Variants in AHCYL2 observed in about 807,000 individuals in gnomAD.
AHCYL2 encodes adenosylhomocysteinase like 2, also known as S-adenosylhomocysteine hydrolase-like protein 2.
A neutral mutation model predicts 81.4 loss-of-function variants in AHCYL2; 28 were observed. The observed-to-expected ratio is 0.34, with a 90% CI of 0.25 to 0.47. The LOEUF is 0.47. Among genes scored for constraint, AHCYL2 ranks in the 20% least tolerant of loss-of-function variants. AHCYL2 has a pLI of 1.00. For synonymous variants in AHCYL2, 272 were observed against 290.2 expected (o/e 0.94, Z 0.64); for missense variants, 551 against 785.1 (o/e 0.70, Z 3.56).
intron 1 of AHCYL2, among the ~76,000 whole-genome samples, chr7:129,344,790 G>C (rs920394456): frequency 6.6e-6 from 1 of 152,120 alleles, no homozygotes; most frequent in African/African-American, 2.4e-5. Flanking sequence ...TCCTTAAAAG[G>C]GGCAGGAAGC....
intron 1 of AHCYL2, among the ~76,000 whole-genome samples, chr7:129,272,722 G>A (rs1796062638): frequency 6.6e-6 from 1 of 151,966 alleles, no homozygotes; most frequent in Non-Finnish European, 1.5e-5. Context: ...GCAGAATGTT[G>A]AAAAAATGTT....
At chr7:129,345,889 G>T (rs1204191473) in intron 1 of AHCYL2, among the ~76,000 whole-genome samples, 1 of 152,134 alleles carries the variant, frequency 6.6e-6, no homozygotes, top group Non-Finnish European at 1.5e-5. Context: ...GTTTGGGGGG[G>T]TAAGATGATG....
rs116317680 is a variant in AHCYL2 at position 129,317,145 on chromosome 7, A to G, written c.364-62493A>G. Among the ~76,000 whole-genome samples the G allele has an allele frequency of 7.6e-3, 1,154 of 152,350 alleles. 15 individuals carry two copies. Among genetic ancestry groups the G allele is most frequent in the African/African-American group, 0.026 (1,076 of 41,576 alleles). The stretch of plus-strand genomic sequence containing the variant: ...TTCAAGTGAAATGGCCAAAAAGCCC[A>G]CAGTATACTTAGATTTTTTTAAAAA... On this transcript the variant is annotated intron_variant, in intron 1 of 16. Transcript: ENST00000325006.
intron 1 of AHCYL2, chr7:129,377,591 G>A (rs1272441305): frequency 4.4e-6 from 2 of 456,530 alleles, no homozygotes; most frequent in South Asian, 3.1e-5. Flanking sequence ...TGTATGTTCT[G>A]CCCATCAAGG....
In AHCYL2 at chr7:129,393,790, G is replaced by A. The variant is rs549791759; in HGVS notation, c.721-3432G>A. On this transcript the variant is annotated intron_variant, in intron 4 of 16. Coordinates refer to ENST00000325006, the MANE Select transcript of AHCYL2 (RefSeq NM_015328.4). Reference sequence around the variant, plus strand: ...CTCCCAGAATGCCTAGCTCCTTTTAGTGGATCTGGGCACTAATGTGCTCTT... The same window carrying A: ...CTCCCAGAATGCCTAGCTCCTTTTAATGGATCTGGGCACTAATGTGCTCTT... Among the ~76,000 whole-genome samples the A allele has an allele frequency of 3.3e-5, 5 of 152,202 alleles. No individual in the cohort carries two copies. In the South Asian group the frequency reaches 1.0e-3, roughly 32 times the overall value.
At chr7:129,282,403 T>C (rs1439683765) in intron 1 of AHCYL2, among the ~76,000 whole-genome samples, 1 of 152,162 alleles carries the variant, frequency 6.6e-6, no homozygotes, top group East Asian at 1.9e-4. Context: ...CATGGTCTTT[T>C]TATTCTTTTT....
At chr7:129,317,660 A>AGT (rs1797871136) in intron 1 of AHCYL2, among the ~76,000 whole-genome samples, 1 of 152,166 alleles carries the variant, frequency 6.6e-6, no homozygotes, top group African/African-American at 2.4e-5. Context: ...TTAGGCAAAG[A>AGT]GTGCTTTCAG....
rs188952453 is a variant in AHCYL2, at chr7:129,280,557, G to A, written c.363+55118G>A. ...ACTGAGGCAGTTTTTTGTCAACTAT[G>A]AGTAAAGACAGTTTTACGACTCGCT... is the stretch of plus-strand genomic sequence containing the variant. On this transcript the variant is annotated intron_variant, in intron 1 of 16. Transcript: ENST00000325006. Among the ~76,000 whole-genome samples, 36 of 152,196 alleles carry A rather than the reference G, an allele frequency of 2.4e-4. 1 individual carries two copies. The highest frequency in any genetic ancestry group is 4.9e-4 in the Non-Finnish European group (33 of 67,998).
chr7:129,415,881 A>T (rs752537553), intron 12 of AHCYL2, among the ~76,000 whole-genome samples: 3 of 152,102 alleles, frequency 2.0e-5, no homozygotes, highest in Non-Finnish European at 2.9e-5. Context: ...TCTACTAAAA[A>T]TACAGAGATT....
intron 1 of AHCYL2, chr7:129,375,649 T>G: frequency 7.3e-7 from 1 of 1,374,240 alleles, no homozygotes; most frequent in Non-Finnish European, 9.4e-7. Flanking sequence ...TAGGAATGGC[T>G]GTTGAGCCAC....
chr7:129,311,308 G>A (rs117539621), intron 1 of AHCYL2, among the ~76,000 whole-genome samples: 2,050 of 152,292 alleles, frequency 0.013, 22 homozygotes, highest in Non-Finnish European at 0.022. Flanking sequence ...TATACAGTAA[G>A]AGACCTATTA....
chr7:129,409,559 C>A lies in AHCYL2; in HGVS notation c.1366+13C>A. 1 of 1,597,884 alleles carries A rather than the reference C, an allele frequency of 6.3e-7. No homozygotes were observed. Among genetic ancestry groups the A allele is most frequent in the South Asian group, 1.1e-5 (1 of 89,040 alleles). ...ATTACCTGTACAGGTATGATAATGA[C>A]ATTTTAAATGGGGTGGCACTTGGGA... On this transcript the variant is annotated intron_variant, in intron 11 of 16. Transcript: ENST00000325006.
intron 1 of AHCYL2, among the ~76,000 whole-genome samples, chr7:129,248,802 A>G (rs1275631056): frequency 3.3e-5 from 5 of 152,078 alleles, no homozygotes; most frequent in Admixed American, 6.6e-5. Context: ...CTTCTGATAC[A>G]TGAACATGGA....
chr7:129,325,773 G>A (rs151049373), intron 1 of AHCYL2, among the ~76,000 whole-genome samples: 9 of 151,426 alleles, frequency 5.9e-5, no homozygotes, highest in Middle Eastern at 3.4e-3. Context: ...CCAGGCTGGA[G>A]TGTAGTTGTG....
chr7:129,345,195 A>G (rs1006871471), intron 1 of AHCYL2, among the ~76,000 whole-genome samples: 11 of 152,194 alleles, frequency 7.2e-5, no homozygotes, highest in African/African-American at 2.4e-4. Context: ...GAAGCTGTGC[A>G]TATGAGGTTT....
At chr7:129,233,728 G>A (rs543659230) in intron 1 of AHCYL2, among the ~76,000 whole-genome samples, 13 of 152,082 alleles carry the variant, frequency 8.5e-5, no homozygotes, top group African/African-American at 2.7e-4. Flanking sequence ...CTCGTGATCC[G>A]CCCTCCTCAG....
At chr7:129,397,718 G>A (rs1484029695) in intron 5 of AHCYL2, among the ~76,000 whole-genome samples, 1 of 152,210 alleles carries the variant, frequency 6.6e-6, no homozygotes, top group Non-Finnish European at 1.5e-5. Flanking sequence ...AATGTTTGGT[G>A]TTTCTGCTTC....
intron 1 of AHCYL2, chr7:129,375,786 A>C: frequency 1.3e-6 from 2 of 1,524,492 alleles, no homozygotes; most frequent in Non-Finnish European, 1.8e-6. Context: ...CAGAGCCAAC[A>C]GAATTGCTGA....
In AHCYL2 at chr7:129,379,745, C is replaced by T. The variant is rs781761902; in HGVS notation, c.471C>T (p.Ser157=). Reference sequence around the variant, plus strand: ...CTCAGTCATCTACTGACAGCTACAGCTCAGGTGAGTACTGAACTGCTGTGG... The same window carrying T: ...CTCAGTCATCTACTGACAGCTACAGTTCAGGTGAGTACTGAACTGCTGTGG... The part of the protein sequence containing the change: ...SISQSSTDSY[S]SAASYTDSSD... The change falls in exon 2 of 17, where the codon AGC becomes AGT. Residue 157 remains serine, a synonymous_variant. Transcript: ENST00000325006. 172 of 1,613,336 alleles carry T rather than the reference C, an allele frequency of 1.1e-4. 1 individual carries two copies. In the South Asian group the frequency reaches 1.8e-3, roughly 17 times the overall value.
Sources: allele counts gnomAD v4.1 joint callset (sites outside exome capture counted in the v4.1 genomes callset), GRCh38; gene constraint gnomAD v4.1.1; transcripts MANE v1.5; gene names NCBI Gene and HGNC (gene_info 2026-07-23, HGNC 2026-07-21).